The following IKBKE variants were observed in gnomAD, a reference collection of about 807,000 sequenced individuals.
IKBKE encodes the protein inhibitor of nuclear factor kappa-B kinase subunit epsilon.
IKBKE carries 45 observed loss-of-function variants against 92.1 expected under a neutral mutation model. The ratio of observed to expected loss-of-function variants is 0.49; its 90% confidence interval spans 0.38 to 0.63. The LOEUF is 0.63. Among genes scored for constraint, IKBKE ranks in the 20% least tolerant of loss-of-function variants. The pLI is 0.00. For missense variants in IKBKE, 700 were observed against 932.8 expected (o/e 0.75, Z 3.25); for synonymous variants, 374 against 380.3 (o/e 0.98, Z 0.19).
At position 206,476,080 on chromosome 1, in the gene IKBKE, T is replaced by A. The variant is rs1553385185; in HGVS notation, c.359-101T>A. The A allele has an allele frequency of 8.8e-7, 1 of 1,137,338 alleles. No individual in the cohort carries two copies. The highest frequency in any genetic ancestry group is 1.3e-6 in the Non-Finnish European group (1 of 775,958). 70.5% of individuals were successfully genotyped at this position (1,137,338 alleles called of 1,614,324 possible). A position where few individuals can be genotyped will look rare whatever the true frequency, so the allele number is the denominator to read the frequency against. On this transcript the variant is annotated intron_variant, in intron 5 of 21. Transcript: ENST00000581977. This position sits in a 1 kb window ranked among gnomAD's most constrained non-coding sequence, Gnocchi z 5.1. ...GGCTCTGTCAGCCCATGGGAACTCC[T>A]GTCTCTCTGGATGCAAGGACAGCCT...
At chr1:206,473,691 C>T (rs1184336349) in intron 3 of IKBKE, among the ~76,000 whole-genome samples, 3 of 152,068 alleles carry the variant, frequency 2.0e-5, no homozygotes, top group African/African-American at 7.2e-5. Context: ...CGGCCGGGCA[C>T]GGTGGCTTAT....
In IKBKE at chr1:206,493,254, G is replaced by A. The variant is rs782076242; in HGVS notation, c.1933-12G>A. 4 of 1,610,648 alleles carry A rather than the reference G, an allele frequency of 2.5e-6. No homozygotes were observed. The highest frequency in any genetic ancestry group is 3.4e-6 in the Non-Finnish European group (4 of 1,176,970). ...GCTACTAATTGCTGACCAAAGTATG[G>A]CTTCCCTGCAGCTCCTGGAAGAGCT... On this transcript the variant is annotated splice_polypyrimidine_tract_variant and intron_variant, in intron 19 of 21. Transcript: ENST00000581977.
intron 16 of IKBKE, 94 bp downstream of exon 16, chr1:206,488,084 C>G: frequency 1.1e-6 from 1 of 931,672 alleles, no homozygotes; most frequent in Non-Finnish European, 1.7e-6. Context: ...TGGCCACTAA[C>G]CTCCAGCTAA....
chr1:206,472,236 G>A (rs1297364545), intron 2 of IKBKE, among the ~76,000 whole-genome samples: 1 of 152,096 alleles, frequency 6.6e-6, no homozygotes, highest in Non-Finnish European at 1.5e-5. Context: ...GGATGACAGA[G>A]TGAGACCTTA....
intron 2 of IKBKE, chr1:206,472,961 C>G: frequency 2.2e-6 from 1 of 464,148 alleles, no homozygotes; most frequent in Non-Finnish European, 3.8e-6. Context: ...GCAGGTGGAA[C>G]AGGTGCCGGC....
rs543730454 is a variant in IKBKE, at chr1:206,492,492, C to T, written c.1836-531C>T. 17 of 471,328 alleles carry T rather than the reference C, an allele frequency of 3.6e-5. No individual in the cohort carries two copies. In the East Asian group the frequency reaches 8.3e-4, roughly 23 times the overall value. 29.2% of individuals were successfully genotyped at this position (471,328 alleles called of 1,614,324 possible). ...CCCACCACACATTCTGGTGTAATTG[C>T]TCTGGAGCAGGGCTTGGATGTCAGT... On this transcript the variant is annotated intron_variant, in intron 18 of 21. Coordinates refer to ENST00000581977, the MANE Select transcript of IKBKE (RefSeq NM_014002.4).
rs781801550 is a variant in IKBKE, at chr1:206,493,286, C to G, written c.1953C>G (p.His651Gln). 5 of 1,613,614 alleles carry G rather than the reference C, an allele frequency of 3.1e-6. No homozygotes were observed. The highest frequency in any genetic ancestry group is 4.2e-6 in the Non-Finnish European group (5 of 1,179,714). Residue 651 changes from histidine (H) to glutamine (Q), a missense_variant, in exon 20 of 22, where the codon CAC becomes CAG. Physicochemically the swap from His to Gln is conservative, Grantham distance 24. Transcript: ENST00000581977. ...SLSKLLEELS[H>Q]QLLQDRAKGA... The stretch of plus-strand genomic sequence containing the variant: ...TGCAGCTCCTGGAAGAGCTATCTCA[C>G]CAGCTCCTTCAGGACCGAGCAAAGG...
chr1:206,492,392 C>T, intron 18 of IKBKE: 1 of 464,718 alleles, frequency 2.2e-6, no homozygotes, highest in South Asian at 1.6e-5. Flanking sequence ...AGGACCTCAC[C>T]TTGTTATGGG....
chr1:206,478,891 C>G lies in IKBKE; in HGVS notation c.993-52C>G. ...GGGCTTAGGTCACCCTAGCCCCCTG[C>G]CTTGCCTACTGACACCCCCTGCCCT... On this transcript the variant is annotated intron_variant, in intron 9 of 21. Coordinates refer to ENST00000581977, the MANE Select transcript of IKBKE (RefSeq NM_014002.4). The surrounding 1 kb of genome is among the most constrained non-coding windows in gnomAD (Gnocchi z 4.8). 6 of 1,430,240 alleles carry G rather than the reference C, an allele frequency of 4.2e-6. No individual in the cohort carries two copies. The highest frequency in any genetic ancestry group is 5.9e-6 in the Non-Finnish European group (6 of 1,012,948). The allele number at this position is 1,430,240 out of a possible 1,614,324, so 88.6% of individuals were successfully genotyped here.
In IKBKE at chr1:206,487,766, G is replaced by A. The variant is rs1004293510; in HGVS notation, c.1617-148G>A. On this transcript the variant is annotated intron_variant, in intron 15 of 21. Coordinates refer to ENST00000581977, the MANE Select transcript of IKBKE (RefSeq NM_014002.4). This position sits in a 1 kb window ranked among gnomAD's most constrained non-coding sequence, Gnocchi z 5.3. ...CGGGGTCTCAAATAAGCCTAGAGACGGGACAGCCACCTCCACTCCCAGACT... is the reference window on the plus strand; with the variant it reads ...CGGGGTCTCAAATAAGCCTAGAGACAGGACAGCCACCTCCACTCCCAGACT... 4.0e-5 allele frequency: 25 copies of A among 621,986 alleles called. No individual in the cohort carries two copies. The highest frequency in any genetic ancestry group is 4.4e-4 in the Middle Eastern group (1 of 2,260). 38.5% of individuals were successfully genotyped at this position (621,986 alleles called of 1,614,324 possible). A position where few individuals can be genotyped will look rare whatever the true frequency, so the allele number is the denominator to read the frequency against.
intron 13 of IKBKE, among the ~76,000 whole-genome samples, chr1:206,481,947 T>C (rs1213803704): frequency 6.6e-6 from 1 of 151,418 alleles, no homozygotes; most frequent in African/African-American, 2.4e-5. Flanking sequence ...GCCCGGCTAA[T>C]TTTTTGTATT....
Position 206,496,151 on chromosome 1 carries a change from A to G in IKBKE, c.*6A>G. On this transcript the variant is annotated 3_prime_UTR_variant, in exon 22 of 22. Transcript: ENST00000581977. ...CAGCACCTCCTGATGTCTGAGCTCC[A>G]TGGGGCACATGAGGCATCCTGAAGC... is the stretch of plus-strand genomic sequence containing the variant. 2.5e-6 allele frequency: 4 copies of G among 1,610,856 alleles called. No individual in the cohort carries two copies. The highest frequency in any genetic ancestry group is 1.3e-5 in the African/African-American group (1 of 74,996).
Position 206,478,098 on chromosome 1 carries a change from C to A in IKBKE, c.813-62C>A. Reference sequence around the variant, plus strand: ...TATTCTCTTAGAACGCTCCTATTGCCTGCTTAAGGAGGATAGGTCTGGGCC... The same window carrying A: ...TATTCTCTTAGAACGCTCCTATTGCATGCTTAAGGAGGATAGGTCTGGGCC... On this transcript the variant is annotated intron_variant, in intron 8 of 21. Transcript: ENST00000581977. The surrounding 1 kb of genome is among the most constrained non-coding windows in gnomAD (Gnocchi z 4.8). 6.9e-7 allele frequency: 1 copy of A among 1,443,460 alleles called. No homozygotes were observed. The highest frequency in any genetic ancestry group is 9.6e-7 in the Non-Finnish European group (1 of 1,041,666). The allele number at this position is 1,443,460 out of a possible 1,614,324, so 89.4% of individuals were successfully genotyped here.
Position 206,478,491 on chromosome 1 carries a change from C to T in IKBKE, c.992+152C>T, listed in dbSNP as rs1665194036. On this transcript the variant is annotated intron_variant, in intron 9 of 21. Transcript: ENST00000581977. This position sits in a 1 kb window ranked among gnomAD's most constrained non-coding sequence, Gnocchi z 4.8. Reference sequence around the variant, plus strand: ...CGTAGTTGGGAAAAGACTAGTTCTACAAAGTTAAAGCTAAACAGGTTTTCT... The same window carrying T: ...CGTAGTTGGGAAAAGACTAGTTCTATAAAGTTAAAGCTAAACAGGTTTTCT... The T allele has an allele frequency of 1.2e-6, 1 of 800,504 alleles. No homozygotes were observed. The highest frequency in any genetic ancestry group is 2.0e-6 in the Non-Finnish European group (1 of 493,636). 49.6% of individuals were successfully genotyped at this position (800,504 alleles called of 1,614,324 possible).
In IKBKE at chr1:206,472,587, T is replaced by TCACA. The variant is rs57402838; in HGVS notation, c.-32-587_-32-584dup. ...TACACACATACACACACACACACTC[T>TCACA]CACACACACACACACACACACACAC... On this transcript the variant is annotated intron_variant, in intron 2 of 21. Transcript: ENST00000581977. 4.0e-3 allele frequency among the ~76,000 whole-genome samples: 606 copies of TCACA among 150,088 alleles called. 3 individuals carry two copies. Among genetic ancestry groups the TCACA allele is most frequent in the African/African-American group, 0.014 (587 of 40,858 alleles).
Position 206,480,011 on chromosome 1 carries a change from C to G in IKBKE, c.1249-11C>G, listed in dbSNP as rs781959162. 6.2e-7 allele frequency: 1 copy of G among 1,610,990 alleles called. No individual in the cohort carries two copies. Among genetic ancestry groups the G allele is most frequent in the Non-Finnish European group, 8.5e-7 (1 of 1,178,780 alleles). On this transcript the variant is annotated splice_polypyrimidine_tract_variant and intron_variant, in intron 11 of 21. Coordinates refer to ENST00000581977, the MANE Select transcript of IKBKE (RefSeq NM_014002.4). ...GTGTGGGACCTGGCCCTGTGCATCT[C>G]TGTGTTTCAGGGCGTGTTGGGCGCC...
At position 206,485,110 on chromosome 1, in the gene IKBKE, G is replaced by C; in HGVS notation, c.1503+38G>C. 1 of 1,603,082 alleles carries C rather than the reference G, an allele frequency of 6.2e-7. No individual in the cohort carries two copies. The highest frequency in any genetic ancestry group is 8.5e-7 in the Non-Finnish European group (1 of 1,169,958). ...GGAGGGCAAGGGCTTAGCAGGATCA[G>C]AGCTGGGGGCCCGTGTTCCAGCCAG... On this transcript the variant is annotated intron_variant, in intron 14 of 21. Coordinates refer to ENST00000581977, the MANE Select transcript of IKBKE (RefSeq NM_014002.4). This position sits in a 1 kb window ranked among gnomAD's most constrained non-coding sequence, Gnocchi z 5.0.
intron 21 of IKBKE, among the ~76,000 whole-genome samples, chr1:206,494,528 G>C (rs1553391604): frequency 6.6e-6 from 1 of 151,486 alleles, no homozygotes; most frequent in Non-Finnish European, 1.5e-5. Context: ...TGAGAGGTTG[G>C]TGTGGGAACG....
rs1665071832 is a variant in IKBKE, at chr1:206,476,541, G to C, written c.541-137G>C. The stretch of plus-strand genomic sequence containing the variant: ...TCTCTAAGATGGAAAAGGTGAGGCT[G>C]ACACCCATTTTTAAGATGACAAAGA... On this transcript the variant is annotated intron_variant, in intron 6 of 21. Coordinates refer to ENST00000581977, the MANE Select transcript of IKBKE (RefSeq NM_014002.4). This position sits in a 1 kb window ranked among gnomAD's most constrained non-coding sequence, Gnocchi z 5.1. 8.5e-7 allele frequency: 1 copy of C among 1,176,714 alleles called. No individual in the cohort carries two copies. Among genetic ancestry groups the C allele is most frequent in the South Asian group, 1.5e-5 (1 of 68,470 alleles). The allele number at this position is 1,176,714 out of a possible 1,614,324, so 72.9% of individuals were successfully genotyped here.
Sources: gnomAD v4.1 joint callset for allele counts (sites outside exome capture counted in the v4.1 genomes callset) on GRCh38, gnomAD v4.1.1 for gene constraint, Gnocchi (gnomAD v3.1) non-coding constraint, MANE v1.5 for transcripts, NCBI Gene and HGNC (gene_info 2026-07-23, HGNC 2026-07-21) for gene names.